Variants in GNA12 observed in about 807,000 individuals in gnomAD.
GNA12 encodes the protein guanine nucleotide-binding protein subunit alpha-12.
A neutral mutation model predicts 26.0 loss-of-function variants in GNA12; 9 were observed. That is an observed-to-expected ratio of 0.35 (90% confidence interval 0.21 to 0.60). The LOEUF (loss-of-function observed/expected upper bound fraction) is 0.60, where lower values mean the gene tolerates loss of function less well. Ranked by LOEUF, GNA12 falls within the 20% of genes least tolerant of loss-of-function variation. GNA12 has a pLI of 0.78. For synonymous variants in GNA12, 264 were observed against 219.6 expected (o/e 1.20, Z -1.79); for missense variants, 405 against 525.8 (o/e 0.77, Z 2.25).
intron 2 of GNA12, among the ~76,000 whole-genome samples, chr7:2,739,816 C>T (rs550970795): frequency 4.6e-5 from 7 of 152,226 alleles, no homozygotes; most frequent in African/African-American, 7.2e-5. Flanking sequence ...GGATTACAGG[C>T]GTGCGCCACC....
At chr7:2,766,500 C>T (rs755855252) in intron 2 of GNA12, among the ~76,000 whole-genome samples, 3 of 151,746 alleles carry the variant, frequency 2.0e-5, no homozygotes, top group Non-Finnish European at 4.4e-5. Context: ...ATTTTCCTGC[C>T]TCAGCCTCCT....
intron 2 of GNA12, among the ~76,000 whole-genome samples, chr7:2,761,620 C>T (rs1385643637): frequency 4.6e-5 from 7 of 152,110 alleles, no homozygotes; most frequent in East Asian, 1.9e-4. Context: ...GGCACGTTCC[C>T]GAACCGGCCT....
At chr7:2,762,935 C>G in intron 2 of GNA12, 3 of 1,397,726 alleles carry the variant, frequency 2.1e-6, no homozygotes, top group Non-Finnish European at 2.8e-6. Context: ...ACGCCCCAGA[C>G]ACTCCCGTGG....
intron 2 of GNA12, among the ~76,000 whole-genome samples, chr7:2,759,241 TAA>T (rs1363256996): frequency 6.6e-6 from 1 of 151,990 alleles, no homozygotes; most frequent in African/African-American, 2.4e-5. Flanking sequence ...GCTGAAGAAA[TAA>T]GTCATAAAAT....
intron 1 of GNA12, among the ~76,000 whole-genome samples, chr7:2,841,355 G>A (rs1778983457): frequency 6.6e-6 from 1 of 152,162 alleles, no homozygotes; most frequent in Admixed American, 6.5e-5. Flanking sequence ...CTACTGAGTT[G>A]GAAGAAACTA....
At chr7:2,783,603 G>A (rs1331713507) in intron 2 of GNA12, among the ~76,000 whole-genome samples, 1 of 151,986 alleles carries the variant, frequency 6.6e-6, no homozygotes, top group East Asian at 1.9e-4. Context: ...GTAAGGTTTC[G>A]CCTGGTGGTG....
At chr7:2,748,667 A>C (rs1194568685) in intron 2 of GNA12, among the ~76,000 whole-genome samples, 1 of 152,228 alleles carries the variant, frequency 6.6e-6, no homozygotes, top group Non-Finnish European at 1.5e-5. Context: ...AATGGGATCT[A>C]ATTAAACTAA....
rs1487722362 is a variant in GNA12, at chr7:2,731,496, G to A, written c.831C>T (p.Phe277=). The part of the protein sequence containing the change: ...TNRLVESMNI[F]ETIVNNKLFF... ...AGAGCTTGTTGTTGACGATGGTCTCGAAGATGTTCATGGACTCCACCAGCC... is the reference window on the plus strand; with the variant it reads ...AGAGCTTGTTGTTGACGATGGTCTCAAAGATGTTCATGGACTCCACCAGCC... Residue 277 remains phenylalanine (F), a synonymous_variant, in exon 4 of 4, where the codon TTC becomes TTT. Coordinates refer to ENST00000275364, the MANE Select transcript of GNA12 (RefSeq NM_007353.3). This position sits in a 1 kb window ranked among gnomAD's most constrained non-coding sequence, Gnocchi z 6.0. 1.2e-6 allele frequency: 2 copies of A among 1,613,654 alleles called. No individual in the cohort carries two copies. Among genetic ancestry groups the A allele is most frequent in the Non-Finnish European group, 1.7e-6 (2 of 1,179,830 alleles).
At chr7:2,758,540 A>G (rs1791408239) in intron 2 of GNA12, among the ~76,000 whole-genome samples, 1 of 151,944 alleles carries the variant, frequency 6.6e-6, no homozygotes, top group South Asian at 2.1e-4. Context: ...ATCTCCTGTG[A>G]TTGGGCGACT....
At chr7:2,737,495 A>C (rs1790268562) in intron 2 of GNA12, among the ~76,000 whole-genome samples, 1 of 151,442 alleles carries the variant, frequency 6.6e-6, no homozygotes, top group Non-Finnish European at 1.5e-5. Flanking sequence ...CACCAGGTTA[A>C]CCAGGCTGGT....
rs1013566731 is a variant in GNA12 at position 2,759,185 on chromosome 7, A to G, written c.526-25684T>C. Among the ~76,000 whole-genome samples the G allele has an allele frequency of 1.1e-4, 16 of 146,104 alleles. No individual in the cohort carries two copies. In the South Asian group the frequency reaches 1.3e-3, roughly 12 times the overall value. On this transcript the variant is annotated intron_variant, in intron 2 of 3. Transcript: ENST00000275364. Reference sequence around the variant, plus strand: ...TAAATAAATAAATAAATAAATAAATAAATAAAATAAAAATAAAAACCCCAT... The same window carrying G: ...TAAATAAATAAATAAATAAATAAATGAATAAAATAAAAATAAAAACCCCAT...
At chr7:2,766,387 CTTTTTT>C (rs71026553) in intron 2 of GNA12, among the ~76,000 whole-genome samples, 2 of 132,092 alleles carry the variant, frequency 1.5e-5, no homozygotes, top group Non-Finnish European at 3.3e-5. Flanking sequence ...TTGCTTCCGC[CTTTTTT>C]TTTTTTTTTT....
intron 2 of GNA12, among the ~76,000 whole-genome samples, chr7:2,744,729 G>A (rs1314489170): frequency 2.0e-5 from 3 of 152,164 alleles, no homozygotes; most frequent in Admixed American, 2.0e-4. Flanking sequence ...CTGAGCTACA[G>A]GAGGAAGTTC....
intron 2 of GNA12, among the ~76,000 whole-genome samples, chr7:2,766,237 T>C (rs1771543848): frequency 6.6e-6 from 1 of 152,336 alleles, no homozygotes; most frequent in Admixed American, 6.5e-5. Flanking sequence ...CTTATTTCAC[T>C]TAGCATAATA....
intron 2 of GNA12, among the ~76,000 whole-genome samples, chr7:2,788,126 C>T (rs1179498964): frequency 6.6e-6 from 1 of 151,894 alleles, no homozygotes; most frequent in Non-Finnish European, 1.5e-5. Flanking sequence ...TGCACTCCAG[C>T]CTGGGCAACA....
intron 1 of GNA12, among the ~76,000 whole-genome samples, chr7:2,814,016 C>T (rs577521637): frequency 1.2e-4 from 19 of 152,240 alleles, no homozygotes; most frequent in Middle Eastern, 3.4e-3. Context: ...GCCTCGCCGC[C>T]GGAGCTTGGA....
At chr7:2,766,998 G>T (rs1791823169) in intron 2 of GNA12, among the ~76,000 whole-genome samples, 1 of 152,226 alleles carries the variant, frequency 6.6e-6, no homozygotes, top group African/African-American at 2.4e-5. Context: ...GGGATACTGA[G>T]ATACTTTGCA....
In GNA12 at chr7:2,738,543, C is replaced by T. The variant is rs895798470; in HGVS notation, c.526-5042G>A. Among the ~76,000 whole-genome samples the T allele has an allele frequency of 3.9e-5, 6 of 152,078 alleles. No individual in the cohort carries two copies. The East Asian group carries it at 9.7e-4, about 25-fold the overall frequency. On this transcript the variant is annotated intron_variant, in intron 2 of 3. Coordinates refer to ENST00000275364, the MANE Select transcript of GNA12 (RefSeq NM_007353.3). ...CTTTTATGTAAGAAATGGCGGGAGA[C>T]TAAAACCCATATTCTGCTTGCTTAT...
intron 1 of GNA12, among the ~76,000 whole-genome samples, chr7:2,831,255 A>G (rs1459718310): frequency 2.0e-5 from 3 of 151,960 alleles, no homozygotes. Context: ...TGACCAGCTC[A>G]TCTCCCAGGG....
Sources: gnomAD v4.1 joint callset for allele counts (sites outside exome capture counted in the v4.1 genomes callset) on GRCh38, gnomAD v4.1.1 for gene constraint, Gnocchi (gnomAD v3.1) non-coding constraint, MANE v1.5 for transcripts, NCBI Gene and HGNC (gene_info 2026-07-23, HGNC 2026-07-21) for gene names.